ANKRD55: variants seen among roughly 807,000 people sequenced by gnomAD.
ANKRD55 encodes the protein ankyrin repeat domain-containing protein 55.
Under a neutral mutation model 60.6 loss-of-function variants are expected in ANKRD55, and 41 were observed. The ratio of observed to expected loss-of-function variants is 0.68; its 90% CI spans 0.53 to 0.88. The LOEUF (loss-of-function observed/expected upper bound fraction) is 0.88. Among genes scored for constraint, ANKRD55 ranks in the 40% least tolerant of loss-of-function variants. The pLI is 0.00. For missense variants in ANKRD55, 732 were observed against 767.6 expected, an observed-to-expected ratio of 0.95 and a Z score of 0.55; for synonymous variants, 264 against 290.3, an observed-to-expected ratio of 0.91 and a Z score of 0.92.
In ANKRD55 at chr5:56,200,846, A is replaced by G. The variant is rs144646677; in HGVS notation, c.59-17212T>C. Among the ~76,000 whole-genome samples the G allele has an allele frequency of 7.2e-4, 110 of 152,266 alleles. 1 individual carries two copies. Among genetic ancestry groups the G allele is most frequent in the African/African-American group, 2.6e-3 (107 of 41,566 alleles). ...TCTGAGGATTCTTGGGTGACTAAACACATCCTAGGGTCACCAATGATGTCT... is the reference window on the plus strand; with the variant it reads ...TCTGAGGATTCTTGGGTGACTAAACGCATCCTAGGGTCACCAATGATGTCT... On this transcript the variant is annotated intron_variant, in intron 2 of 11. Coordinates refer to ENST00000341048, the MANE Select transcript of ANKRD55 (RefSeq NM_024669.3).
At chr5:56,162,107 G>A (rs1263152393) in intron 5 of ANKRD55, 1 of 865,836 alleles carries the variant, frequency 1.2e-6, no homozygotes, top group Non-Finnish European at 1.4e-6. Context: ...CAAGGCAGGA[G>A]GTCAGCTGTG....
At chr5:56,177,498 C>T (rs887389310) in intron 3 of ANKRD55, among the ~76,000 whole-genome samples, 2 of 152,002 alleles carry the variant, frequency 1.3e-5, no homozygotes, top group Non-Finnish European at 2.9e-5. Flanking sequence ...CTAGATAGGC[C>T]GGGTGTGGTG....
intron 4 of ANKRD55, among the ~76,000 whole-genome samples, chr5:56,173,911 A>T (rs1290396312): frequency 2.0e-5 from 3 of 152,116 alleles, no homozygotes; most frequent in African/African-American, 7.2e-5. Flanking sequence ...TACTGAGTTC[A>T]GAGTTGTGGC....
At position 56,102,530 on chromosome 5, in the gene ANKRD55, T is replaced by G. The variant is rs757935376; in HGVS notation, c.1687A>C (p.Thr563Pro). 1.2e-6 allele frequency: 2 copies of G among 1,613,754 alleles called. No individual in the cohort carries two copies. The highest frequency in any genetic ancestry group is 1.7e-6 in the Non-Finnish European group (2 of 1,179,806). The change falls in exon 11 of 12, where the codon ACT becomes CCT. Residue 563 changes from threonine (T) to proline (P), a missense_variant. Physicochemically the swap from Thr to Pro is conservative, Grantham distance 38. Transcript: ENST00000341048. ...NRHKIRDLPF[T>P]RNNLAPLPDQ... ...GGTAGGGGAGCTAGGTTGTTCCGAG[T>G]GAAAGGAAGATCCCTGATTTTGTGT...
intron 11 of ANKRD55, among the ~76,000 whole-genome samples, chr5:56,100,526 T>C (rs372715062): frequency 1.3e-5 from 2 of 152,176 alleles, no homozygotes; most frequent in Non-Finnish European, 2.9e-5. Flanking sequence ...CATAGAAGAC[T>C]GTACCAAGTG....
At chr5:56,104,709 A>T (rs1756400034) in intron 10 of ANKRD55, among the ~76,000 whole-genome samples, 1 of 152,220 alleles carries the variant, frequency 6.6e-6, no homozygotes, top group South Asian at 2.1e-4. Context: ...TTCAGCAATC[A>T]TCCATTGAGC....
chr5:56,225,305 G>A (rs160003), intron 2 of ANKRD55, among the ~76,000 whole-genome samples: 47,397 of 151,898 alleles, frequency 0.31, 8,369 homozygotes, highest in East Asian at 0.66. Context: ...AAAAACTCTC[G>A]ATAAATTAGG....
At chr5:56,169,475 G>A (rs1029364685) in intron 5 of ANKRD55, among the ~76,000 whole-genome samples, 1 of 150,680 alleles carries the variant, frequency 6.6e-6, no homozygotes, top group East Asian at 1.9e-4. Flanking sequence ...ATCCCCTCAC[G>A]ATGTCTATTG....
chr5:56,209,530 G>A (rs1236500890), intron 2 of ANKRD55, among the ~76,000 whole-genome samples: 1 of 148,910 alleles, frequency 6.7e-6, no homozygotes, highest in East Asian at 2.0e-4. Flanking sequence ...GCAGTGGTGC[G>A]ATCTCGGCTC....
chr5:56,216,668 C>G (rs1440282064), intron 2 of ANKRD55, among the ~76,000 whole-genome samples: 1 of 152,160 alleles, frequency 6.6e-6, no homozygotes, highest in East Asian at 1.9e-4. Flanking sequence ...GATAAAAGAC[C>G]AATCTAGCCG....
At chr5:56,165,211 A>T (rs1014139808) in intron 5 of ANKRD55, among the ~76,000 whole-genome samples, 5 of 152,194 alleles carry the variant, frequency 3.3e-5, no homozygotes, top group African/African-American at 1.2e-4. Flanking sequence ...GAAAATGCAG[A>T]CATATGCCAG....
chr5:56,176,919 T>G (rs1758749368), intron 3 of ANKRD55, among the ~76,000 whole-genome samples: 1 of 152,238 alleles, frequency 6.6e-6, no homozygotes, highest in Admixed American at 6.5e-5. Flanking sequence ...TGCTTCTTAT[T>G]CCTTCAGGTG....
chr5:56,211,559 C>T (rs955340377), intron 2 of ANKRD55, among the ~76,000 whole-genome samples: 2 of 152,174 alleles, frequency 1.3e-5, no homozygotes, highest in East Asian at 3.9e-4. Flanking sequence ...GGCCTTGGAT[C>T]CCGCCCTCTG....
chr5:56,140,620 G>A (rs753302273), intron 7 of ANKRD55, among the ~76,000 whole-genome samples: 26 of 152,174 alleles, frequency 1.7e-4, no homozygotes, highest in Non-Finnish European at 2.9e-4. Flanking sequence ...AATGAACGAG[G>A]CATTATGCTT....
chr5:56,216,723 C>A (rs573545326), intron 2 of ANKRD55, among the ~76,000 whole-genome samples: 3 of 152,312 alleles, frequency 2.0e-5, no homozygotes, highest in African/African-American at 7.2e-5. Context: ...AAGCCCCTAA[C>A]TTTCTCCAAG....
At chr5:56,176,419 G>T in intron 3 of ANKRD55, 137 bp from the exon 4 acceptor site, 1 of 863,238 alleles carries the variant, frequency 1.2e-6, no homozygotes, top group Non-Finnish European at 1.8e-6. Flanking sequence ...GGGAGATGAA[G>T]CTGATTGTTG....
At chr5:56,132,443 T>TAAAAAAAAAAAAAAAAAAAAA in intron 7 of ANKRD55, among the ~76,000 whole-genome samples, 1 of 128,142 alleles carries the variant, frequency 7.8e-6, no homozygotes, top group African/African-American at 3.5e-5. Flanking sequence ...AAAAAAAAAT[T>TAAAAAAAAAAAAAAAAAAAAA]AGCTGGGTGT....
At chr5:56,145,126 G>A (rs1290383242) in intron 6 of ANKRD55, among the ~76,000 whole-genome samples, 2 of 152,308 alleles carry the variant, frequency 1.3e-5, no homozygotes, top group East Asian at 3.9e-4. Flanking sequence ...TATTGATCTA[G>A]AGACCTTTAT....
chr5:56,144,569 G>A (rs1036229490), intron 6 of ANKRD55, among the ~76,000 whole-genome samples: 6 of 152,142 alleles, frequency 3.9e-5, no homozygotes, highest in Admixed American at 1.3e-4. Context: ...GATCCTGGGA[G>A]GGTGGGATGG....
Sources: gnomAD v4.1 joint callset for allele counts (sites outside exome capture counted in the v4.1 genomes callset) on GRCh38, gnomAD v4.1.1 for gene constraint, MANE v1.5 for transcripts, NCBI Gene and HGNC (gene_info 2026-07-23, HGNC 2026-07-21) for gene names.